Variants in PRP4K observed in about 807,000 individuals in gnomAD.
PRP4K encodes serine/threonine-protein kinase PRP4 homolog.
the PRP4K span, chr6:4,052,719 G>T: frequency 6.4e-7 from 1 of 1,553,838 alleles, no homozygotes. Context: ...TCTCCTAAAA[G>T]CATGAACTTA....
chr6:4,023,197 C>T, the PRP4K span, among the ~76,000 whole-genome samples: 1 of 152,112 alleles, frequency 6.6e-6, no homozygotes, highest in East Asian at 1.9e-4. Context: ...AATATAGTGT[C>T]TACAACAGTT....
chr6:4,063,975 T>C, the PRP4K span: 3 of 152,290 alleles, frequency 2.0e-5, 1 homozygote, highest in South Asian at 6.2e-4. Flanking sequence ...CAGTTTTTTC[T>C]AGGGTTGGGA....
the PRP4K span, chr6:4,043,734 TGCA>T: frequency 7.4e-7 from 1 of 1,356,098 alleles, no homozygotes; most frequent in Non-Finnish European, 1.0e-6. Flanking sequence ...AACTTTTCAC[TGCA>T]GCAACTCTTA....
chr6:4,039,204 A>G, the PRP4K span, among the ~76,000 whole-genome samples: 3 of 152,208 alleles, frequency 2.0e-5, no homozygotes, highest in African/African-American at 7.2e-5. Flanking sequence ...GTACTGAGAA[A>G]GCTGAATGGG....
the PRP4K span, among the ~76,000 whole-genome samples, chr6:4,045,964 C>G: frequency 6.6e-6 from 1 of 152,144 alleles, no homozygotes; most frequent in Non-Finnish European, 1.5e-5. Context: ...CACACAAAAC[C>G]AAACTATACA....
chr6:4,054,663 C>G, the PRP4K span, among the ~76,000 whole-genome samples: 2 of 152,114 alleles, frequency 1.3e-5, no homozygotes, highest in South Asian at 4.1e-4. Context: ...GGGGCCACCA[C>G]GCCCAGCTAA....
At chr6:4,021,870 C>T in the PRP4K span, among the ~76,000 whole-genome samples, 2 of 152,188 alleles carry the variant, frequency 1.3e-5, no homozygotes, top group Non-Finnish European at 2.9e-5. Flanking sequence ...GCAGGCGGGC[C>T]AAGCCCTAAG....
chr6:4,041,305 G>A, the PRP4K span, among the ~76,000 whole-genome samples: 2 of 152,180 alleles, frequency 1.3e-5, no homozygotes, highest in Non-Finnish European at 2.9e-5. Context: ...TGCAATTGAG[G>A]CTATTTTGTG....
At chr6:4,024,427 A>G in the PRP4K span, among the ~76,000 whole-genome samples, 1 of 150,768 alleles carries the variant, frequency 6.6e-6, no homozygotes, top group Non-Finnish European at 1.5e-5. Context: ...GCTCGCCACT[A>G]AAAAAAAATT....
chr6:4,035,923 C>T, the PRP4K span, among the ~76,000 whole-genome samples: 1 of 151,992 alleles, frequency 6.6e-6, no homozygotes, highest in South Asian at 2.1e-4. Flanking sequence ...CGAGGTCACA[C>T]CATTGCACTA....
At chr6:4,049,552 G>T in the PRP4K span, 3 of 605,920 alleles carry the variant, frequency 5.0e-6, no homozygotes, top group Non-Finnish European at 8.6e-6. Flanking sequence ...AAGTAGGCAT[G>T]CAGCTTCTAA....
chr6:4,039,291 A>ATAT, the PRP4K span, among the ~76,000 whole-genome samples: 1 of 152,194 alleles, frequency 6.6e-6, no homozygotes, highest in Admixed American at 6.5e-5. Context: ...ATTTTTGGAT[A>ATAT]TTAGTGACTG....
chr6:4,037,555 G>T, the PRP4K span: 1 of 1,613,428 alleles, frequency 6.2e-7, no homozygotes, highest in East Asian at 2.2e-5. Context: ...AGAAGAAGCA[G>T]ATCTCCTCGG....
chr6:4,063,134 A>G, the PRP4K span: 1 of 152,386 alleles, frequency 6.6e-6, no homozygotes, highest in South Asian at 2.1e-4. Flanking sequence ...CTGTCCTATA[A>G]AAGATTTATT....
the PRP4K span, among the ~76,000 whole-genome samples, chr6:4,039,761 C>T: frequency 7.9e-5 from 12 of 152,130 alleles, no homozygotes; most frequent in Non-Finnish European, 1.2e-4. Flanking sequence ...TTTGCACATT[C>T]TAAGATTTTA....
chr6:4,048,126 C>A, the PRP4K span, among the ~76,000 whole-genome samples: 54 of 152,100 alleles, frequency 3.6e-4, no homozygotes, highest in Non-Finnish European at 7.5e-4. Context: ...CGCCTGTAAT[C>A]CCAGCACTTT....
the PRP4K span, among the ~76,000 whole-genome samples, chr6:4,042,899 A>G: frequency 6.6e-6 from 1 of 152,214 alleles, no homozygotes; most frequent in East Asian, 1.9e-4. Context: ...TATTTAGCAA[A>G]AAATTATGCA....
the PRP4K span, chr6:4,049,655 ATGAC>A: frequency 7.2e-7 from 1 of 1,396,320 alleles, no homozygotes; most frequent in East Asian, 2.3e-5. Flanking sequence ...CAATTTTTAA[ATGAC>A]TGCACTGTGT....
At chr6:4,040,752 GTCTTT>G in the PRP4K span, 14 of 1,609,640 alleles carry the variant, frequency 8.7e-6, no homozygotes, top group Non-Finnish European at 1.2e-5. Context: ...ATGTATACCT[GTCTTT>G]TCTTCTTTAA....
Sources: gnomAD v4.1 joint callset for allele counts (sites outside exome capture counted in the v4.1 genomes callset) on GRCh38, gnomAD v4.1.1 for gene constraint, MANE v1.5 for transcripts, NCBI Gene and HGNC (gene_info 2026-07-23, HGNC 2026-07-21) for gene names.